The following FREM1 variants were observed in gnomAD, a reference collection of about 807,000 sequenced individuals.
The protein encoded by FREM1 is FRAS1-related extracellular matrix protein 1.
In FREM1, 220 loss-of-function variants were observed where a neutral mutation model predicts 210.1. The ratio of observed to expected loss-of-function variants is 1.05; its 90% CI spans 0.94 to 1.17. The LOEUF (loss-of-function observed/expected upper bound fraction) is 1.17. FREM1 is among the 50% of genes most tolerant of loss of function. The probability of loss-of-function intolerance (pLI) is 0.00; values close to 1 mark genes in which losing one functional copy is unlikely to be tolerated. For missense variants in FREM1, 3,454 were observed against 2,675.5 expected, an observed-to-expected ratio of 1.29 and a Z score of -6.42; for synonymous variants, 1,189 against 980.2, an observed-to-expected ratio of 1.21 and a Z score of -3.98.
intron 27 of FREM1, among the ~76,000 whole-genome samples, chr9:14,764,446 G>T (rs1846040046): frequency 6.6e-6 from 1 of 152,118 alleles, no homozygotes; most frequent in South Asian, 2.1e-4. Flanking sequence ...ACTTATTCTG[G>T]ATTCTTTGAC....
At chr9:14,755,198 G>T (rs190180382) in intron 29 of FREM1, among the ~76,000 whole-genome samples, 2 of 152,198 alleles carry the variant, frequency 1.3e-5, no homozygotes, top group African/African-American at 4.8e-5. Flanking sequence ...TTGATGCTGT[G>T]TTATGACAGC....
In FREM1 at chr9:14,805,046, A is replaced by G. The variant is rs756681797; in HGVS notation, c.3381T>C (p.Asp1127=). ...TADQFTVYVT[D]GKHHSLEIPF... ...GTATCTCCAAGGAGTGATGCTTCCC[A>G]TCTGTGACGTACACCGTGAACTGGT... The change falls in exon 19 of 37, where the codon GAT becomes GAC. Residue 1127 remains aspartate, a synonymous_variant. Transcript: ENST00000380880. The G allele has an allele frequency of 1.9e-6, 3 of 1,613,426 alleles. No homozygotes were observed. The highest frequency in any genetic ancestry group is 2.2e-5 in the East Asian group (1 of 44,880).
intron 27 of FREM1, among the ~76,000 whole-genome samples, chr9:14,760,693 A>G (rs1314445441): frequency 1.3e-5 from 2 of 152,194 alleles, no homozygotes; most frequent in African/African-American, 4.8e-5. Flanking sequence ...TGACAAAGCT[A>G]ATAGCAGAGA....
At chr9:14,864,964 G>C (rs1267755325) in intron 2 of FREM1, among the ~76,000 whole-genome samples, 1 of 152,106 alleles carries the variant, frequency 6.6e-6, no homozygotes, top group Non-Finnish European at 1.5e-5. Context: ...AGTCTGCTTT[G>C]TTAAAAGAAA....
In FREM1 at chr9:14,825,533, A is replaced by ATGTGTG. The variant is rs1303372397; in HGVS notation, c.1882-542_1882-541insCACACA. Among the ~76,000 whole-genome samples the ATGTGTG allele has an allele frequency of 4.0e-3, 373 of 93,320 alleles. 15 individuals are homozygous for ATGTGTG. Among genetic ancestry groups the ATGTGTG allele is most frequent in the East Asian group, 0.028 (75 of 2,662 alleles). 61.2% of individuals were successfully genotyped at this position (93,320 alleles called of 152,430 possible). A position where few individuals can be genotyped will look rare whatever the true frequency, so the allele number is the denominator to read the frequency against. On this transcript the variant is annotated intron_variant, in intron 10 of 36. Coordinates refer to ENST00000380880, the MANE Select transcript of FREM1 (RefSeq NM_001379081.2). ...TATATATATACATACATATATATAT[A>ATGTGTG]TATGTGTGTGTGTGTATATATATAT... is the stretch of plus-strand genomic sequence containing the variant.
chr9:14,759,199 TAA>T (rs1349503281), intron 28 of FREM1, among the ~76,000 whole-genome samples: 1 of 152,158 alleles, frequency 6.6e-6, no homozygotes, highest in Non-Finnish European at 1.5e-5. Flanking sequence ...CTTTCAAAAT[TAA>T]AAATGGATTT....
At chr9:14,858,238 C>T (rs371660767) in intron 4 of FREM1, among the ~76,000 whole-genome samples, 11 of 152,216 alleles carry the variant, frequency 7.2e-5, no homozygotes, top group Non-Finnish European at 1.0e-4. Context: ...CTTAAACATT[C>T]TTTGACCACC....
chr9:14,737,221 A>T lies in FREM1; in HGVS notation c.*175T>A. On this transcript the variant is annotated 3_prime_UTR_variant, in exon 37 of 37. Transcript: ENST00000380880. ...AAAATTGTATCTTATCTTGTAAAAAATATTTATTTATCAATCTTTCTGGCA... is the reference window on the plus strand; with the variant it reads ...AAAATTGTATCTTATCTTGTAAAAATTATTTATTTATCAATCTTTCTGGCA... 1.9e-6 allele frequency: 1 copy of T among 528,382 alleles called. No individual in the cohort carries two copies. The highest frequency in any genetic ancestry group is 3.3e-6 in the Non-Finnish European group (1 of 301,292). 32.7% of individuals were successfully genotyped at this position (528,382 alleles called of 1,614,324 possible).
chr9:14,792,694 T>C, intron 22 of FREM1, 49 bp downstream of exon 22: 9 of 1,440,078 alleles, frequency 6.2e-6, no homozygotes, highest in Non-Finnish European at 8.5e-6. Flanking sequence ...TTGAGAAGAT[T>C]TATACCTGCT....
chr9:14,856,596 G>A (rs1339318338), intron 5 of FREM1, among the ~76,000 whole-genome samples: 1 of 152,094 alleles, frequency 6.6e-6, no homozygotes, highest in Non-Finnish European at 1.5e-5. Flanking sequence ...CACTTTGGGA[G>A]GGTGAGGCAG....
At chr9:14,900,453 C>A (rs974845208) in intron 1 of FREM1, among the ~76,000 whole-genome samples, 1 of 152,110 alleles carries the variant, frequency 6.6e-6, no homozygotes, top group African/African-American at 2.4e-5. Flanking sequence ...CTAAAACAAC[C>A]CTCAGACTCA....
At chr9:14,791,955 C>T (rs191916002) in intron 22 of FREM1, among the ~76,000 whole-genome samples, 10 of 152,176 alleles carry the variant, frequency 6.6e-5, no homozygotes, top group Admixed American at 2.0e-4. Flanking sequence ...CTCCTGCCTC[C>T]GCCTGCAGAG....
At chr9:14,905,865 T>C (rs994453182) in intron 1 of FREM1, among the ~76,000 whole-genome samples, 1 of 151,318 alleles carries the variant, frequency 6.6e-6, no homozygotes, top group Non-Finnish European at 1.5e-5. Context: ...CACTGCAGCA[T>C]GGGCAATAGA....
At chr9:14,800,205 C>T (rs904767859) in intron 20 of FREM1, among the ~76,000 whole-genome samples, 1 of 151,964 alleles carries the variant, frequency 6.6e-6, no homozygotes, top group Non-Finnish European at 1.5e-5. Context: ...GAAACAAGCA[C>T]AGAGAAGGAG....
chr9:14,841,538 T>A lies in FREM1; in HGVS notation c.1790A>T (p.Tyr597Phe), dbSNP rs1432250757. The change falls in exon 10 of 37, where the codon TAT becomes TTT. Residue 597 changes from tyrosine to phenylalanine, a missense_variant. Physicochemically the swap from Tyr to Phe is conservative, Grantham distance 22. Coordinates refer to ENST00000380880, the MANE Select transcript of FREM1 (RefSeq NM_001379081.2). ...GATTTCTCCACCAAAATGACGATAA[T>A]AAATGATTCCATTAAACAAATCCCT... ...LQRDLFNGII[Y>F]YRHFGGEIFE... The A allele has an allele frequency of 5.6e-6, 9 of 1,612,096 alleles. No individual in the cohort carries two copies. Among genetic ancestry groups the A allele is most frequent in the Non-Finnish European group, 7.6e-6 (9 of 1,178,626 alleles).
At chr9:14,851,240 C>G (rs1227613877) in intron 6 of FREM1, 44 bp downstream of exon 6, 3 of 1,439,070 alleles carry the variant, frequency 2.1e-6, no homozygotes, top group South Asian at 1.4e-5. Context: ...TTAAATAACC[C>G]TGTGACTTCT....
At chr9:14,878,510 C>A (rs1424712665) in intron 1 of FREM1, among the ~76,000 whole-genome samples, 5 of 152,328 alleles carry the variant, frequency 3.3e-5, no homozygotes, top group Admixed American at 6.5e-5. Flanking sequence ...TTCTTTACCA[C>A]TTTCCTGCTT....
rs763355849 is a variant in FREM1, at chr9:14,768,959, G to GAACA, written c.5204+761_5204+764dup. Among the ~76,000 whole-genome samples the GAACA allele has an allele frequency of 2.2e-4, 33 of 151,960 alleles. 1 individual carries two copies. In the South Asian group the frequency reaches 3.5e-3, roughly 16 times the overall value. On this transcript the variant is annotated intron_variant, in intron 27 of 36. Transcript: ENST00000380880. ...GGTATCAAAAACAAACAAACAAAAT[G>GAACA]AACAAACAAACAAACAAAAAACAGC...
chr9:14,739,230 A>G (rs1044645291), intron 36 of FREM1, among the ~76,000 whole-genome samples: 2 of 151,022 alleles, frequency 1.3e-5, no homozygotes, highest in African/African-American at 4.9e-5. Flanking sequence ...CAGCCTCCCA[A>G]GTAGGTGGGA....
Sources: gnomAD v4.1 joint callset for allele counts (sites outside exome capture counted in the v4.1 genomes callset) on GRCh38, gnomAD v4.1.1 for gene constraint, MANE v1.5 for transcripts, NCBI Gene and HGNC (gene_info 2026-07-23, HGNC 2026-07-21) for gene names.